Variants in DGCR2 observed in about 807,000 individuals in gnomAD.
DGCR2 encodes the protein DiGeorge syndrome critical region gene 2.
In DGCR2, 24 loss-of-function variants were observed where a neutral mutation model predicts 51.6. The ratio of observed to expected loss-of-function variants is 0.47; its 90% CI spans 0.34 to 0.65. The LOEUF is 0.65. Ranked by LOEUF, DGCR2 falls within the 30% of genes least tolerant of loss-of-function variation. The pLI is 0.01. For synonymous variants in DGCR2, 340 were observed against 315.4 expected, an observed-to-expected ratio of 1.08 and a Z score of -0.82; for missense variants, 765 against 772.1, an observed-to-expected ratio of 0.99 and a Z score of 0.11.
intron 2 of DGCR2, among the ~76,000 whole-genome samples, chr22:19,081,616 A>G (rs1836427835): frequency 1.3e-5 from 2 of 152,226 alleles, no homozygotes; most frequent in African/African-American, 4.8e-5. Flanking sequence ...GATGGCTTGG[A>G]ATTTTATCTG....
intron 1 of DGCR2, among the ~76,000 whole-genome samples, chr22:19,109,414 A>G (rs2083292144): frequency 6.6e-6 from 1 of 152,226 alleles, no homozygotes; most frequent in Admixed American, 6.5e-5. Flanking sequence ...TACACTAAAT[A>G]AACAAAATGC....
In DGCR2 at chr22:19,063,261, T is replaced by C. The variant is rs1569054003; in HGVS notation, c.566A>G (p.Gln189Arg). Residue 189 changes from glutamine to arginine, a missense_variant, in exon 5 of 10, where the codon CAG becomes CGG. Coordinates refer to ENST00000263196, the MANE Select transcript of DGCR2 (RefSeq NM_005137.3). The stretch of plus-strand genomic sequence containing the variant: ...GCGGTTCCGGCCAGTGATAACATAC[T>C]GATAGCCAACCCACAACCTGCAGGG... ...KDQRKLWVGYQYVITGRNRSL... is the reference protein window; with the variant it reads ...KDQRKLWVGYRYVITGRNRSL... 2.5e-6 allele frequency: 4 copies of C among 1,614,160 alleles called. No homozygotes were observed. The highest frequency in any genetic ancestry group is 2.5e-6 in the Non-Finnish European group (3 of 1,180,020).
intron 1 of DGCR2, among the ~76,000 whole-genome samples, chr22:19,102,910 A>G (rs1569084307): frequency 1.3e-5 from 2 of 152,048 alleles, no homozygotes; most frequent in South Asian, 4.1e-4. Context: ...GGAGGCTGAG[A>G]TAGGAGGATC....
intron 8 of DGCR2, 151 bp downstream of exon 8, chr22:19,041,656 C>T (rs1005420784): frequency 2.7e-5 from 26 of 950,474 alleles, no homozygotes; most frequent in Admixed American, 1.5e-4. Context: ...AAGAACTTTC[C>T]TGGCCCACAG....
intron 7 of DGCR2, chr22:19,047,994 CCTGGT>C (rs1428375855): frequency 3.0e-5 from 6 of 201,318 alleles, no homozygotes; most frequent in Middle Eastern, 2.1e-3. Flanking sequence ...GAGTTGAAGA[CCTGGT>C]CTGGACAACA....
intron 1 of DGCR2, among the ~76,000 whole-genome samples, chr22:19,103,582 T>A (rs1280154918): frequency 3.3e-5 from 5 of 150,200 alleles, no homozygotes; most frequent in Admixed American, 6.6e-5. Context: ...GCGCGCACCA[T>A]CACGCCCGGC....
chr22:19,062,123 G>T (rs1186150842), intron 5 of DGCR2, among the ~76,000 whole-genome samples: 1 of 152,168 alleles, frequency 6.6e-6, no homozygotes, highest in Non-Finnish European at 1.5e-5. Flanking sequence ...TTGACTCTGG[G>T]GCCTGGAAAC....
At position 19,038,526 on chromosome 22, in the gene DGCR2, G is replaced by A. The variant is rs1391835416; in HGVS notation, c.*339C>T. The A allele has an allele frequency of 2.3e-5, 7 of 308,566 alleles. No homozygotes were observed. Among genetic ancestry groups the A allele is most frequent in the Admixed American group, 9.6e-5 (2 of 20,864 alleles). The allele number at this position is 308,566 out of a possible 1,614,324, so 19.1% of individuals were successfully genotyped here. On this transcript the variant is annotated 3_prime_UTR_variant, in exon 10 of 10. Transcript: ENST00000263196. ...TGCACCAAGTAAGCCCACCAAAAAC[G>A]CATCAGGTGTGGCCATGGCCCACAG...
intron 2 of DGCR2, among the ~76,000 whole-genome samples, chr22:19,079,479 A>C (rs944535028): frequency 1.3e-5 from 2 of 152,152 alleles, no homozygotes; most frequent in African/African-American, 4.8e-5. Context: ...GTTGCTTATT[A>C]ATGTTTTCTA....
At chr22:19,059,885 T>C (rs1412544171) in intron 5 of DGCR2, among the ~76,000 whole-genome samples, 2 of 151,880 alleles carry the variant, frequency 1.3e-5, no homozygotes, top group Non-Finnish European at 2.9e-5. Context: ...TGGAGAACCC[T>C]CCCCGGCCCC....
In DGCR2 at chr22:19,096,131, C is replaced by T. The variant is rs573633334; in HGVS notation, c.80-6641G>A. Among the ~76,000 whole-genome samples the T allele has an allele frequency of 4.6e-5, 7 of 152,298 alleles. 1 individual carries two copies. In the South Asian group the frequency reaches 1.5e-3, roughly 32 times the overall value. On this transcript the variant is annotated intron_variant, in intron 1 of 9. Coordinates refer to ENST00000263196, the MANE Select transcript of DGCR2 (RefSeq NM_005137.3). ...GAACCTGGAACCCTCCATTCCTCCT[C>T]AGTGTATTCTAGGTCTTCAGTTTTA...
rs779312861 is a variant in DGCR2 at position 19,122,238 on chromosome 22, G to GCGTGACCCC, written c.-33_-32insGGGGTCACG. ...TCCGTTCATCGTCCCCGGGGCGGCT[G>GCGTGACCCC]GAAGGCCGGACCAGGCCGGACTGAG... On this transcript the variant is annotated 5_prime_UTR_variant, in exon 1 of 10. Transcript: ENST00000263196. 24 of 1,478,958 alleles carry GCGTGACCCC rather than the reference G, an allele frequency of 1.6e-5. No individual in the cohort carries two copies. Among genetic ancestry groups the GCGTGACCCC allele is most frequent in the South Asian group, 2.6e-5 (2 of 77,464 alleles). 91.6% of individuals were successfully genotyped at this position (1,478,958 alleles called of 1,614,324 possible).
intron 3 of DGCR2, among the ~76,000 whole-genome samples, chr22:19,066,367 C>T (rs2082748664): frequency 6.6e-6 from 1 of 152,148 alleles, no homozygotes; most frequent in South Asian, 2.1e-4. Flanking sequence ...AAGTGCGCCA[C>T]TGCACTCCAG....
At chr22:19,059,127 G>C (rs1048021393) in intron 5 of DGCR2, among the ~76,000 whole-genome samples, 2 of 152,210 alleles carry the variant, frequency 1.3e-5, no homozygotes, top group African/African-American at 2.4e-5. Context: ...AGGTGATGAG[G>C]GTAGTGAAGG....
chr22:19,073,298 G>A (rs1467417814), intron 2 of DGCR2, among the ~76,000 whole-genome samples: 1 of 151,968 alleles, frequency 6.6e-6, no homozygotes, highest in Non-Finnish European at 1.5e-5. Context: ...CAGCAAACAT[G>A]AAAACTCATA....
At chr22:19,069,960 G>T (rs778905357) in intron 2 of DGCR2, among the ~76,000 whole-genome samples, 12 of 152,092 alleles carry the variant, frequency 7.9e-5, no homozygotes, top group Non-Finnish European at 1.5e-4. Flanking sequence ...CATCTTCAAG[G>T]CTTGTGTTTT....
Position 19,122,115 on chromosome 22 carries a change from T to A in DGCR2, c.79+13A>T. On this transcript the variant is annotated intron_variant, in intron 1 of 9. Transcript: ENST00000263196. ...CCGCCCAGCCCCCACACCGCCCCCA[T>A]CGCGCGGCGCACCTGGCCGCAGCGG... The A allele has an allele frequency of 6.8e-7, 1 of 1,477,858 alleles. No individual in the cohort carries two copies. The allele number at this position is 1,477,858 out of a possible 1,614,324, so 91.5% of individuals were successfully genotyped here.
chr22:19,059,715 C>G (rs527632462), intron 5 of DGCR2, among the ~76,000 whole-genome samples: 3 of 152,160 alleles, frequency 2.0e-5, no homozygotes, highest in Non-Finnish European at 2.9e-5. Flanking sequence ...AGGACTCTGA[C>G]GGGAGCCTTG....
chr22:19,079,356 C>T (rs754804301), intron 2 of DGCR2, among the ~76,000 whole-genome samples: 4 of 152,158 alleles, frequency 2.6e-5, no homozygotes, highest in Non-Finnish European at 4.4e-5. Flanking sequence ...TTAAGGGATA[C>T]TCAATCTGTA....
Sources: gnomAD v4.1 joint callset for allele counts (sites outside exome capture counted in the v4.1 genomes callset) on GRCh38, gnomAD v4.1.1 for gene constraint, MANE v1.5 for transcripts, NCBI Gene and HGNC (gene_info 2026-07-23, HGNC 2026-07-21) for gene names.